Variants in USP47 observed in about 807,000 individuals in gnomAD.
The protein encoded by USP47 is ubiquitin specific peptidase 47, also known as ubiquitin carboxyl-terminal hydrolase 47.
USP47 carries 35 observed loss-of-function variants against 165.1 expected under a neutral mutation model. The ratio of observed to expected loss-of-function variants is 0.21; its 90% CI spans 0.16 to 0.28. The LOEUF is 0.28. Ranked by LOEUF, USP47 falls within the 10% of genes least tolerant of loss-of-function variation. The probability of loss-of-function intolerance (pLI) is 1.00; values close to 1 mark genes in which losing one functional copy is unlikely to be tolerated. For missense variants in USP47, 1,277 were observed against 1,607.4 expected, an observed-to-expected ratio of 0.79 and a Z score of 3.52; for synonymous variants, 531 against 544.5, an observed-to-expected ratio of 0.98 and a Z score of 0.35.
Position 11,929,360 on chromosome 11 carries a change from CAG to C in USP47, c.1387-70_1387-69del. The C allele has an allele frequency of 3.2e-6, 5 of 1,551,790 alleles. 1 individual carries two copies. The highest frequency in any genetic ancestry group is 4.3e-6 in the Non-Finnish European group (5 of 1,150,974). On this transcript the variant is annotated intron_variant, in intron 11 of 27. Coordinates refer to ENST00000527733, the MANE Select transcript of USP47 (RefSeq NM_001282659.2). Reference sequence around the variant, plus strand: ...ACCATGTTACTTCTCTGTGTGTTAACAGAGAATAGGAAATACACAAATAAGGG... The same window carrying C: ...ACCATGTTACTTCTCTGTGTGTTAACAGAATAGGAAATACACAAATAAGGG...
intron 1 of USP47, among the ~76,000 whole-genome samples, chr11:11,855,266 C>G (rs753657569): frequency 2.6e-5 from 4 of 152,050 alleles, no homozygotes; most frequent in Non-Finnish European, 4.4e-5. Flanking sequence ...GGATTCAGTG[C>G]GAAATGTTAT....
At chr11:11,954,539 G>A (rs1856440254) in intron 25 of USP47, among the ~76,000 whole-genome samples, 1 of 152,184 alleles carries the variant, frequency 6.6e-6, no homozygotes, top group South Asian at 2.1e-4. Flanking sequence ...AACAGTCTCA[G>A]TGTCCATCAG....
intron 16 of USP47, among the ~76,000 whole-genome samples, chr11:11,935,349 A>G (rs1469299404): frequency 6.6e-6 from 1 of 152,042 alleles, no homozygotes; most frequent in Non-Finnish European, 1.5e-5. Flanking sequence ...GGATAAATGA[A>G]TGAACAAACA....
At position 11,959,969 on chromosome 11, in the gene USP47, T is replaced by TGAAGAGTATAATTTA. The variant is rs1352637548; in HGVS notation, c.*3795_*3809dup. ...TTTTATAATGCTTAAGTAACCTGCTTGAAGAGTATAATTTATGGAGATAAA... is the reference window on the plus strand; with the variant it reads ...TTTTATAATGCTTAAGTAACCTGCTTGAAGAGTATAATTTAGAAGAGTATAATTTATGGAGATAAA... On this transcript the variant is annotated 3_prime_UTR_variant, in exon 28 of 28. Coordinates refer to ENST00000527733, the MANE Select transcript of USP47 (RefSeq NM_001282659.2). Among the ~76,000 whole-genome samples, 1 of 152,186 alleles carries TGAAGAGTATAATTTA rather than the reference T, an allele frequency of 6.6e-6. No homozygotes were observed. The highest frequency in any genetic ancestry group is 1.9e-4 in the East Asian group (1 of 5,184).
At chr11:11,875,814 G>A (rs948598653) in intron 1 of USP47, among the ~76,000 whole-genome samples, 3 of 152,202 alleles carry the variant, frequency 2.0e-5, no homozygotes, top group Admixed American at 2.0e-4. Context: ...TGTTGGCCAG[G>A]TTGGTCTGGA....
In USP47 at chr11:11,959,589, T is replaced by C. The variant is rs761148624; in HGVS notation, c.*3414T>C. 6.6e-6 allele frequency among the ~76,000 whole-genome samples: 1 copy of C among 152,200 alleles called. No homozygotes were observed. The highest frequency in any genetic ancestry group is 1.5e-5 in the Non-Finnish European group (1 of 68,038). On this transcript the variant is annotated 3_prime_UTR_variant, in exon 28 of 28. Coordinates refer to ENST00000527733, the MANE Select transcript of USP47 (RefSeq NM_001282659.2). ...GGGAGGCTGTGATCATTTGGTTAGATACAGCATTAATTGTCACAACTTGAC... is the reference window on the plus strand; with the variant it reads ...GGGAGGCTGTGATCATTTGGTTAGACACAGCATTAATTGTCACAACTTGAC...
chr11:11,900,435 C>G (rs1031356381), intron 5 of USP47, among the ~76,000 whole-genome samples: 2 of 152,202 alleles, frequency 1.3e-5, no homozygotes, highest in East Asian at 3.9e-4. Flanking sequence ...GCTGGGATTA[C>G]AGGCGTGAGC....
chr11:11,870,108 TCC>T (rs1849943005), intron 1 of USP47, among the ~76,000 whole-genome samples: 1 of 152,072 alleles, frequency 6.6e-6, no homozygotes, highest in Non-Finnish European at 1.5e-5. Flanking sequence ...TTACTTGTTT[TCC>T]TGTGGGTTAT....
At chr11:11,952,019 A>G (rs1449621962) in intron 24 of USP47, 1 of 152,224 alleles carries the variant, frequency 6.6e-6, no homozygotes, top group Non-Finnish European at 1.5e-5. Flanking sequence ...ACATCAAGAT[A>G]GTTGAGTAAG....
At chr11:11,881,319 G>A (rs1005215304) in intron 2 of USP47, among the ~76,000 whole-genome samples, 1 of 152,168 alleles carries the variant, frequency 6.6e-6, no homozygotes, top group African/African-American at 2.4e-5. Flanking sequence ...CTACCTCTCC[G>A]GTCACAGTGC....
intron 24 of USP47, 88 bp from the exon 25 acceptor site, chr11:11,952,653 C>A (rs996072408): frequency 1.5e-6 from 2 of 1,326,354 alleles, no homozygotes; most frequent in South Asian, 2.1e-5. Flanking sequence ...TGAAGTAAAT[C>A]TTTTTGTTTA....
chr11:11,909,858 T>A (rs1252705383), intron 8 of USP47, among the ~76,000 whole-genome samples: 1 of 152,210 alleles, frequency 6.6e-6, no homozygotes, highest in African/African-American at 2.4e-5. Context: ...TTAGTAAGTG[T>A]GAAATCAAAA....
At chr11:11,901,999 C>T (rs1852261666) in intron 5 of USP47, among the ~76,000 whole-genome samples, 2 of 151,562 alleles carry the variant, frequency 1.3e-5, no homozygotes, top group Non-Finnish European at 2.9e-5. Flanking sequence ...GTAATGAATC[C>T]CTCTTCACCA....
chr11:11,954,450 T>A (rs892191014), intron 25 of USP47, among the ~76,000 whole-genome samples: 7 of 152,046 alleles, frequency 4.6e-5, no homozygotes, highest in African/African-American at 1.7e-4. Flanking sequence ...TTTGTATTTT[T>A]AGTTGAGACG....
At chr11:11,905,595 A>G in intron 8 of USP47, 47 bp downstream of exon 8, 1 of 1,529,174 alleles carries the variant, frequency 6.5e-7, no homozygotes. Flanking sequence ...CACAGAATAC[A>G]TAATAGCACA....
At chr11:11,913,006 T>C (rs1323746867) in intron 8 of USP47, among the ~76,000 whole-genome samples, 1 of 151,998 alleles carries the variant, frequency 6.6e-6, no homozygotes, top group African/African-American at 2.4e-5. Flanking sequence ...TTCCTCAACT[T>C]GATTAAAAAA....
intron 1 of USP47, among the ~76,000 whole-genome samples, chr11:11,873,270 A>G (rs1045671967): frequency 3.9e-5 from 6 of 152,184 alleles, no homozygotes; most frequent in African/African-American, 1.2e-4. Flanking sequence ...AGATTTTTCA[A>G]GAGATTATCT....
At chr11:11,847,152 T>G (rs1054956719) in intron 1 of USP47, among the ~76,000 whole-genome samples, 6 of 152,190 alleles carry the variant, frequency 3.9e-5, no homozygotes, top group African/African-American at 1.4e-4. Flanking sequence ...TAAGAGTTGC[T>G]ATTTCTGAAT....
intron 3 of USP47, among the ~76,000 whole-genome samples, chr11:11,891,415 A>G (rs1045396733): frequency 4.4e-4 from 67 of 152,230 alleles, no homozygotes; most frequent in African/African-American, 1.5e-3. Context: ...ATCTTCATTA[A>G]TTGCATCATT....
Sources: gnomAD v4.1 joint callset for allele counts (sites outside exome capture counted in the v4.1 genomes callset) on GRCh38, gnomAD v4.1.1 for gene constraint, MANE v1.5 for transcripts, NCBI Gene and HGNC (gene_info 2026-07-23, HGNC 2026-07-21) for gene names.